The following HTR3B variants were observed in gnomAD, a reference collection of about 807,000 sequenced individuals.
HTR3B encodes the protein 5-hydroxytryptamine (serotonin) receptor 3B, ionotropic.
In HTR3B, 44 loss-of-function variants were observed where a neutral mutation model predicts 42.8. The observed-to-expected ratio is 1.03, with a 90% CI of 0.81 to 1.32. HTR3B has a LOEUF of 1.32. Ranked by LOEUF, HTR3B falls within the 40% of genes most tolerant of loss-of-function variation. The pLI is 0.00. For missense variants in HTR3B, 527 were observed against 536.5 expected, an observed-to-expected ratio of 0.98 and a Z score of 0.17; for synonymous variants, 203 against 209.0, an observed-to-expected ratio of 0.97 and a Z score of 0.25.
At position 113,932,857 on chromosome 11, in the gene HTR3B, C is replaced by T. The variant is rs557065814; in HGVS notation, c.539-79C>T. On this transcript the variant is annotated intron_variant, in intron 5 of 8. Coordinates refer to ENST00000260191, the MANE Select transcript of HTR3B (RefSeq NM_006028.5). The stretch of plus-strand genomic sequence containing the variant: ...GGGGGCAGGAGAACGAGGAAGGATT[C>T]GAATTGGGAGCTGGAAAAGTGGGTG... The T allele has an allele frequency of 3.2e-4, 458 of 1,453,156 alleles. 1 individual carries two copies. The Middle Eastern group carries it at 4.9e-3, about 15-fold the overall frequency. 90.0% of individuals were successfully genotyped at this position (1,453,156 alleles called of 1,614,324 possible).
At chr11:113,921,419 C>CCTCCCA (rs1949911402) in intron 2 of HTR3B, among the ~76,000 whole-genome samples, 1 of 152,062 alleles carries the variant, frequency 6.6e-6, no homozygotes, top group Admixed American at 6.6e-5. Context: ...GCTAGGATTA[C>CCTCCCA]AAGTGTGAGC....
At chr11:113,945,621 G>A (rs577980263) in intron 8 of HTR3B, among the ~76,000 whole-genome samples, 9 of 152,346 alleles carry the variant, frequency 5.9e-5, no homozygotes, top group African/African-American at 2.2e-4. Flanking sequence ...CTCCTACTGA[G>A]TCCATTTGGG....
In HTR3B at chr11:113,909,422, C is replaced by G; in HGVS notation, c.180C>G (p.Tyr60Ter). The G allele has an allele frequency of 6.2e-7, 1 of 1,614,124 alleles. No individual in the cohort carries two copies. Among genetic ancestry groups the G allele is most frequent in the East Asian group, 2.2e-5 (1 of 44,872 alleles). Residue 60 changes from tyrosine (Y) to a stop codon, truncating the protein, a stop_gained, in exon 2 of 9, where the codon TAC becomes TAG. Coordinates refer to ENST00000260191, the MANE Select transcript of HTR3B (RefSeq NM_006028.5). LOFTEE classifies it high-confidence loss of function. ...ACTGGACCAAGGCCACCACAGTCTACCTGGACCTGTTCGTCCATGCTATAT... is the reference window on the plus strand; with the variant it reads ...ACTGGACCAAGGCCACCACAGTCTAGCTGGACCTGTTCGTCCATGCTATAT... The part of the protein sequence containing the change: ...VYNWTKATTV[Y>*]LDLFVHAILD...
chr11:113,904,409 T>C (rs1362429271), upstream of HTR3B, among the ~76,000 whole-genome samples: 2 of 152,216 alleles, frequency 1.3e-5, no homozygotes, highest in African/African-American at 4.8e-5. Flanking sequence ...CATTAGACAA[T>C]ACCAGGTTTC....
chr11:113,936,008 T>G (rs1469339123), intron 6 of HTR3B, among the ~76,000 whole-genome samples: 1 of 152,128 alleles, frequency 6.6e-6, no homozygotes, highest in African/African-American at 2.4e-5. Context: ...ACGGATACTT[T>G]GGAGTCAGGC....
At chr11:113,915,407 T>C (rs762491224) in intron 2 of HTR3B, among the ~76,000 whole-genome samples, 60 of 152,240 alleles carry the variant, frequency 3.9e-4, no homozygotes, top group Non-Finnish European at 8.4e-4. Flanking sequence ...TCTGATTTTT[T>C]TTCCCTCTAG....
At chr11:113,945,387 G>A (rs190215569) in intron 8 of HTR3B, among the ~76,000 whole-genome samples, 49 of 152,110 alleles carry the variant, frequency 3.2e-4, no homozygotes, top group African/African-American at 1.1e-3. Context: ...CACCCACCTC[G>A]GCCTCCCAGA....
rs1950174664 is a variant in HTR3B, at chr11:113,946,028, T to C, written c.1217T>C (p.Leu406Pro). The change falls in exon 9 of 9, where the codon CTG becomes CCG. Residue 406 changes from leucine (L) to proline (P), a missense_variant. Coordinates refer to ENST00000260191, the MANE Select transcript of HTR3B (RefSeq NM_006028.5). ...DQTDQQEAEW[L>P]VLLSRFDRLL... ...ACAGACCAACAGGAGGCAGAGTGGC[T>C]GGTCCTCCTGTCCCGCTTTGACCGA... 2 of 1,614,008 alleles carry C rather than the reference T, an allele frequency of 1.2e-6. No individual in the cohort carries two copies. The highest frequency in any genetic ancestry group is 2.7e-5 in the African/African-American group (2 of 74,916).
At chr11:113,943,255 G>T in intron 7 of HTR3B, 63 bp downstream of exon 7, 1 of 1,359,438 alleles carries the variant, frequency 7.4e-7, no homozygotes, top group Non-Finnish European at 1.0e-6. Context: ...ATCTAATGCT[G>T]GCCAGGCATG....
At chr11:113,944,924 C>A (rs1226788456) in intron 8 of HTR3B, among the ~76,000 whole-genome samples, 169 bp downstream of exon 8, 1 of 152,148 alleles carries the variant, frequency 6.6e-6, no homozygotes, top group Non-Finnish European at 1.5e-5. Flanking sequence ...CTGAAGGCTG[C>A]CTGCTTCTGG....
chr11:113,904,921 G>C lies in HTR3B; in HGVS notation c.-13G>C, dbSNP rs1203639805. 6.2e-7 allele frequency: 1 copy of C among 1,612,492 alleles called. No individual in the cohort carries two copies. Among genetic ancestry groups the C allele is most frequent in the Non-Finnish European group, 8.5e-7 (1 of 1,178,764 alleles). Reference sequence around the variant, plus strand: ...GCAAGTTTGCATTTCTCCTTTTTGGGATCTGCCCAGGAATGTTGTCAAGTG... The same window carrying C: ...GCAAGTTTGCATTTCTCCTTTTTGGCATCTGCCCAGGAATGTTGTCAAGTG... On this transcript the variant is annotated 5_prime_UTR_variant, in exon 1 of 9. Transcript: ENST00000260191.
At chr11:113,919,701 G>C (rs1949892697) in intron 2 of HTR3B, among the ~76,000 whole-genome samples, 1 of 151,952 alleles carries the variant, frequency 6.6e-6, no homozygotes, top group Non-Finnish European at 1.5e-5. Context: ...GGTGGCACAT[G>C]CTCGTAATCC....
chr11:113,942,464 A>T (rs113243313), intron 6 of HTR3B, among the ~76,000 whole-genome samples: 1 of 152,238 alleles, frequency 6.6e-6, no homozygotes, highest in African/African-American at 2.4e-5. Flanking sequence ...CGTCACACAC[A>T]CACACAAAAG....
At chr11:113,899,727 A>C in the HTR3B span, among the ~76,000 whole-genome samples, 200 of 152,352 alleles carry the variant, frequency 1.3e-3, 1 homozygote, top group Non-Finnish European at 2.5e-3. Flanking sequence ...TGTTTGCATA[A>C]TAAACCCTCT....
intron 1 of HTR3B, among the ~76,000 whole-genome samples, chr11:113,908,427 C>G (rs565680075): frequency 1.3e-5 from 2 of 152,314 alleles, no homozygotes; most frequent in African/African-American, 2.4e-5. Context: ...CACTCACGCA[C>G]TTTGTCAGGA....
intron 6 of HTR3B, among the ~76,000 whole-genome samples, chr11:113,939,089 C>A (rs1449945819): frequency 6.6e-6 from 1 of 152,074 alleles, no homozygotes; most frequent in Non-Finnish European, 1.5e-5. Context: ...AAACCCAAAA[C>A]TATAGGTACT....
At chr11:113,931,723 T>C in intron 3 of HTR3B, 35 bp from the exon 4 acceptor site, 1 of 1,235,616 alleles carries the variant, frequency 8.1e-7, no homozygotes, top group Non-Finnish European at 1.2e-6. Context: ...TATTGCCCCA[T>C]TTTGATAAGT....
chr11:113,929,395 G>C (rs960904087), intron 2 of HTR3B, among the ~76,000 whole-genome samples: 1 of 152,036 alleles, frequency 6.6e-6, no homozygotes, highest in Non-Finnish European at 1.5e-5. Context: ...TGGCTGATTT[G>C]GTTCTTGGTG....
At chr11:113,907,188 TCTTACAA>T (rs1949740479) in intron 1 of HTR3B, among the ~76,000 whole-genome samples, 2 of 152,208 alleles carry the variant, frequency 1.3e-5, no homozygotes, top group Non-Finnish European at 2.9e-5. Context: ...TTTCCAGAAA[TCTTACAA>T]GTGAATCATT....
Sources: gnomAD v4.1 joint callset for allele counts (sites outside exome capture counted in the v4.1 genomes callset) on GRCh38, gnomAD v4.1.1 for gene constraint, MANE v1.5 for transcripts, NCBI Gene and HGNC (gene_info 2026-07-23, HGNC 2026-07-21) for gene names.